Variants in GPHN observed in about 807,000 individuals in gnomAD.
GPHN encodes the protein gephyrin.
Under a neutral mutation model 95.5 loss-of-function variants are expected in GPHN, and 17 were observed. The ratio of observed to expected loss-of-function variants is 0.18; its 90% CI spans 0.12 to 0.27. The LOEUF is 0.27. GPHN is among the 10% of genes least tolerant of loss of function. GPHN has a pLI of 1.00. For synonymous variants in GPHN, 320 were observed against 322.5 expected (o/e 0.99, Z 0.08); for missense variants, 660 against 978.1 (o/e 0.67, Z 4.34).
chr14:67,727,194 A>G, the GPHN span: 3 of 1,609,508 alleles, frequency 1.9e-6, no homozygotes, highest in South Asian at 3.3e-5. Flanking sequence ...CTCCAAGGTA[A>G]GTCTGGAGAA....
At chr14:67,319,802 G>A in the GPHN span, among the ~76,000 whole-genome samples, 2 of 152,162 alleles carry the variant, frequency 1.3e-5, no homozygotes, top group Admixed American at 1.3e-4. Flanking sequence ...ATATGTAAAT[G>A]TCGGTCTATG....
chr14:67,228,675 T>A, the GPHN span: 1 of 152,248 alleles, frequency 6.6e-6, no homozygotes, highest in Admixed American at 6.5e-5. Flanking sequence ...TCAGTTTTTA[T>A]GGATGGGGTT....
At chr14:67,674,795 G>A in the GPHN span, 12 of 261,270 alleles carry the variant, frequency 4.6e-5, no homozygotes, top group South Asian at 1.2e-3. Flanking sequence ...CCCGAGAAGT[G>A]CCGGGTCCGG....
the GPHN span, among the ~76,000 whole-genome samples, chr14:67,353,443 C>G: frequency 6.6e-6 from 1 of 152,106 alleles, no homozygotes; most frequent in Non-Finnish European, 1.5e-5. Context: ...CCTGGGAGTT[C>G]AAGTCCAGCA....
chr14:66,699,308 A>G (rs1322360679), intron 2 of GPHN, among the ~76,000 whole-genome samples: 3 of 152,114 alleles, frequency 2.0e-5, no homozygotes, highest in East Asian at 3.8e-4. Context: ...TATGTAACAA[A>G]CCTGCACATT....
At chr14:67,462,013 C>T in the GPHN span, among the ~76,000 whole-genome samples, 1 of 152,248 alleles carries the variant, frequency 6.6e-6, no homozygotes, top group Non-Finnish European at 1.5e-5. Context: ...CTCTGGGCAC[C>T]AGCTGTCCTT....
the GPHN span, chr14:67,225,299 C>T: frequency 2.9e-6 from 4 of 1,385,018 alleles, no homozygotes; most frequent in Non-Finnish European, 3.8e-6. Flanking sequence ...TATAGGAATA[C>T]ATGATAGCTA....
At chr14:66,856,476 AGAAG>A (rs1277483630) in intron 4 of GPHN, among the ~76,000 whole-genome samples, 1 of 152,162 alleles carries the variant, frequency 6.6e-6, no homozygotes, top group East Asian at 1.9e-4. Flanking sequence ...TACAACAGAG[AGAAG>A]GAAGAGTGAG....
At chr14:67,579,548 G>A in the GPHN span, 1 of 679,428 alleles carries the variant, frequency 1.5e-6, no homozygotes, top group Non-Finnish European at 2.5e-6. Flanking sequence ...CAGTGGATAA[G>A]CTCACATCCC....
intron 4 of GPHN, among the ~76,000 whole-genome samples, chr14:66,831,379 T>A (rs1310790429): frequency 2.0e-5 from 3 of 152,174 alleles, no homozygotes; most frequent in Non-Finnish European, 4.4e-5. Context: ...ATTAAATTGC[T>A]TACAAAGCAG....
intron 9 of GPHN, among the ~76,000 whole-genome samples, chr14:67,018,549 G>A (rs2073432461): frequency 6.6e-6 from 1 of 152,132 alleles, no homozygotes; most frequent in African/African-American, 2.4e-5. Context: ...AGATTATATG[G>A]CTTGCATGCC....
At chr14:67,209,835 A>G in the GPHN span, among the ~76,000 whole-genome samples, 11 of 151,700 alleles carry the variant, frequency 7.3e-5, no homozygotes, top group Non-Finnish European at 1.0e-4. Flanking sequence ...AAAAAAAAAA[A>G]AAAGAAACGA....
chr14:67,431,697 C>G, the GPHN span, among the ~76,000 whole-genome samples: 1 of 145,202 alleles, frequency 6.9e-6, no homozygotes, highest in Admixed American at 6.9e-5. Flanking sequence ...AACTCAACAA[C>G]AGCAGCAGCA....
In GPHN at chr14:66,917,807, C is replaced by A. The variant is rs2065993863; in HGVS notation, c.456+1738C>A. On this transcript the variant is annotated intron_variant, in intron 6 of 22. Transcript: ENST00000478722. ...CCATTAACTAATCACAGTAAAGAAG[C>A]AATTCCATGCTGTGGTTGACACTGT... is the stretch of plus-strand genomic sequence containing the variant. Among the ~76,000 whole-genome samples the A allele has an allele frequency of 2.0e-5, 3 of 152,182 alleles. 1 individual carries two copies. The South Asian group carries it at 6.2e-4, about 32-fold the overall frequency.
chr14:67,535,515 G>T, the GPHN span, among the ~76,000 whole-genome samples: 1 of 151,644 alleles, frequency 6.6e-6, no homozygotes. Context: ...CAAGTGGCTG[G>T]GATTAACAGG....
At chr14:66,817,009 A>G (rs960642111) in intron 3 of GPHN, among the ~76,000 whole-genome samples, 4 of 152,094 alleles carry the variant, frequency 2.6e-5, no homozygotes, top group African/African-American at 9.7e-5. Context: ...TTTATTGTTA[A>G]ATAATGTAAA....
At chr14:66,812,000 G>A (rs1274425813) in intron 3 of GPHN, among the ~76,000 whole-genome samples, 1 of 152,166 alleles carries the variant, frequency 6.6e-6, no homozygotes, top group African/African-American at 2.4e-5. Flanking sequence ...AAAACTTTTA[G>A]CCTGAGAGTA....
chr14:67,536,291 C>T, the GPHN span, among the ~76,000 whole-genome samples: 3 of 151,908 alleles, frequency 2.0e-5, no homozygotes, highest in South Asian at 2.1e-4. Flanking sequence ...TCCCTGTGTA[C>T]ACTCACACCC....
At chr14:66,529,058 T>C (rs2058806693) in intron 1 of GPHN, among the ~76,000 whole-genome samples, 1 of 152,324 alleles carries the variant, frequency 6.6e-6, no homozygotes, top group African/African-American at 2.4e-5. Flanking sequence ...TGAAGAATGT[T>C]TTCCAACTTT....
Sources: allele counts gnomAD v4.1 joint callset (sites outside exome capture counted in the v4.1 genomes callset), GRCh38; gene constraint gnomAD v4.1.1; transcripts MANE v1.5; gene names NCBI Gene and HGNC (gene_info 2026-07-23, HGNC 2026-07-21).